Variants in UMPS observed in about 807,000 individuals in gnomAD.
The protein encoded by UMPS is uridine monophosphate synthetase.
Under a neutral mutation model 38.9 loss-of-function variants are expected in UMPS, and 21 were observed. The observed-to-expected ratio is 0.54, with a 90% CI of 0.38 to 0.78. The LOEUF is 0.78. UMPS is among the 30% of genes least tolerant of loss of function. The pLI, the probability that UMPS is intolerant of heterozygous loss-of-function variation, is 0.00. For synonymous variants in UMPS, 208 were observed against 219.3 expected (o/e 0.95, Z 0.45); for missense variants, 533 against 591.6 (o/e 0.90, Z 1.03).
intron 5 of UMPS, 25 bp from the exon 6 acceptor site, chr3:124,743,890 A>ACAAC (rs17843846): frequency 0.012 from 18,850 of 1,613,704 alleles, 184 homozygotes; most frequent in Admixed American, 0.038. Flanking sequence ...ATTATGTGAA[A>ACAAC]CAACAATTTT....
At position 124,747,447 on chromosome 3, in the gene UMPS, G is replaced by T. The variant is rs1335753957; in HGVS notation, c.*3363G>T. ...GTCACTCAGTACCAGTTCCGAGCCT[G>T]AACCCAAACTCTCGTGTTTCTGCTC... On this transcript the variant is annotated 3_prime_UTR_variant, in exon 6 of 6. Coordinates refer to ENST00000232607, the MANE Select transcript of UMPS (RefSeq NM_000373.4). 1 of 454,140 alleles carries T rather than the reference G, an allele frequency of 2.2e-6. No homozygotes were observed. The highest frequency in any genetic ancestry group is 1.5e-5 in the South Asian group (1 of 64,546). The allele number at this position is 454,140 out of a possible 1,614,324, so 28.1% of individuals were successfully genotyped here.
intron 2 of UMPS, 89 bp downstream of exon 2, chr3:124,735,335 A>G (rs113821133): frequency 8.1e-7 from 1 of 1,231,776 alleles, no homozygotes; most frequent in Non-Finnish European, 1.2e-6. Flanking sequence ...CTAATGTTTT[A>G]CCAGTCATCT....
chr3:124,743,655 AAAATAAATAAAT>A (rs577181855), intron 5 of UMPS, among the ~76,000 whole-genome samples: 2 of 151,508 alleles, frequency 1.3e-5, no homozygotes, highest in African/African-American at 4.8e-5. Context: ...TAAATAAATA[AAAATAAATAAAT>A]AAATAAATAA....
At chr3:124,731,368 G>T in intron 1 of UMPS, 1 of 248,156 alleles carries the variant, frequency 4.0e-6, no homozygotes, top group Non-Finnish European at 8.3e-6. Context: ...ATGCAGCCCC[G>T]GGACAATTAT....
At chr3:124,731,968 A>AT (rs35554685) in intron 1 of UMPS, among the ~76,000 whole-genome samples, 98 of 148,820 alleles carry the variant, frequency 6.6e-4, no homozygotes, top group Middle Eastern at 7.0e-3. Flanking sequence ...CAAATTAAAA[A>AT]TTTTTTTTTT....
intron 5 of UMPS, 84 bp from the exon 6 acceptor site, chr3:124,743,831 G>A: frequency 1.3e-6 from 2 of 1,557,120 alleles, no homozygotes; most frequent in Non-Finnish European, 1.8e-6. Flanking sequence ...TTTAAAGCTG[G>A]TTAGATACTT....
chr3:124,743,274 C>T (rs1033530499), intron 5 of UMPS, among the ~76,000 whole-genome samples: 1 of 151,774 alleles, frequency 6.6e-6, no homozygotes, highest in Non-Finnish European at 1.5e-5. Context: ...GCGGGGGTTG[C>T]AGCGAGCTGA....
chr3:124,743,258 C>T (rs113272616), intron 5 of UMPS, among the ~76,000 whole-genome samples: 2,822 of 149,470 alleles, frequency 0.019, 39 homozygotes, highest in African/African-American at 0.026. Context: ...CGCTTGAATC[C>T]GGGAGGCGGG....
intron 4 of UMPS, 117 bp from the exon 5 acceptor site, chr3:124,742,035 G>A: frequency 1.1e-6 from 1 of 876,338 alleles, no homozygotes; most frequent in East Asian, 2.4e-5. Context: ...GGGAACATAG[G>A]GAGACCTCAT....
At position 124,749,171 on chromosome 3, in the gene UMPS, A is replaced by G. The variant is rs1454428627; in HGVS notation, c.*5087A>G. 9 of 453,968 alleles carry G rather than the reference A, an allele frequency of 2.0e-5. No homozygotes were observed. Among genetic ancestry groups the G allele is most frequent in the Admixed American group, 1.6e-4 (7 of 42,554 alleles). The allele number at this position is 453,968 out of a possible 1,614,324, so 28.1% of individuals were successfully genotyped here. On this transcript the variant is annotated 3_prime_UTR_variant, in exon 6 of 6. Coordinates refer to ENST00000232607, the MANE Select transcript of UMPS (RefSeq NM_000373.4). ...CCTAGCAATGTTGTTTTCTGCCACA[A>G]CTTGAATAGATACTTGAAGCAGAGA... is the stretch of plus-strand genomic sequence containing the variant.
intron 2 of UMPS, among the ~76,000 whole-genome samples, chr3:124,736,269 T>C (rs1040920963): frequency 7.9e-5 from 12 of 151,984 alleles, no homozygotes; most frequent in Non-Finnish European, 7.4e-5. Flanking sequence ...AAAAAATAAA[T>C]AAATAAAACC....
rs1337668149 is a variant in UMPS, at chr3:124,745,887, A to G, written c.*1803A>G. The G allele has an allele frequency of 1.3e-5, 6 of 454,064 alleles. No individual in the cohort carries two copies. The highest frequency in any genetic ancestry group is 2.2e-5 in the Non-Finnish European group (5 of 226,772). The allele number at this position is 454,064 out of a possible 1,614,324, so 28.1% of individuals were successfully genotyped here. On this transcript the variant is annotated 3_prime_UTR_variant, in exon 6 of 6. Transcript: ENST00000232607. ...GTGTCAGTGGTTCTCCCACTTTAGC[A>G]GGTATCAGAGTCACCTGGAGTCTTG...
At chr3:124,740,229 G>A (rs2063547519) in intron 4 of UMPS, 30 bp downstream of exon 4, 4 of 1,582,940 alleles carry the variant, frequency 2.5e-6, no homozygotes, top group Non-Finnish European at 3.4e-6. Flanking sequence ...GGTGAGAGGG[G>A]GCAGGGGCTG....
At chr3:124,734,747 G>A (rs561092331) in intron 1 of UMPS, among the ~76,000 whole-genome samples, 3 of 152,218 alleles carry the variant, frequency 2.0e-5, no homozygotes, top group African/African-American at 7.2e-5. Flanking sequence ...TAGGCTGGGC[G>A]CAGTGGCTCA....
rs2063601082 is a variant in UMPS, at chr3:124,746,682, T to C, written c.*2598T>C. On this transcript the variant is annotated 3_prime_UTR_variant, in exon 6 of 6. Transcript: ENST00000232607. Reference sequence around the variant, plus strand: ...GGGGTGCACAGAATGTCTGTGAGACTGATGGAGTGGAGAACGCCATCCCCC... The same window carrying C: ...GGGGTGCACAGAATGTCTGTGAGACCGATGGAGTGGAGAACGCCATCCCCC... The C allele has an allele frequency of 2.2e-6, 1 of 453,290 alleles. No homozygotes were observed. The highest frequency in any genetic ancestry group is 4.4e-6 in the Non-Finnish European group (1 of 226,370). 28.1% of individuals were successfully genotyped at this position (453,290 alleles called of 1,614,324 possible).
In UMPS at chr3:124,747,716, G is replaced by A. The variant is rs1390882929; in HGVS notation, c.*3632G>A. On this transcript the variant is annotated 3_prime_UTR_variant, in exon 6 of 6. Transcript: ENST00000232607. Reference sequence around the variant, plus strand: ...TACATTTAACTTGCTGCAGCTCTCTGGATCCAGCCTGGTTACCAGGAAGAC... The same window carrying A: ...TACATTTAACTTGCTGCAGCTCTCTAGATCCAGCCTGGTTACCAGGAAGAC... The A allele has an allele frequency of 2.2e-6, 1 of 453,672 alleles. No individual in the cohort carries two copies. The highest frequency in any genetic ancestry group is 4.4e-6 in the Non-Finnish European group (1 of 226,420). 28.1% of individuals were successfully genotyped at this position (453,672 alleles called of 1,614,324 possible).
At position 124,749,143 on chromosome 3, in the gene UMPS, G is replaced by A; in HGVS notation, c.*5059G>A. ...AAGACATGCTGTCCTTGTTTACCTG[G>A]AACCTAGCAATGTTGTTTTCTGCCA... On this transcript the variant is annotated 3_prime_UTR_variant, in exon 6 of 6. Transcript: ENST00000232607. 2.2e-6 allele frequency: 1 copy of A among 454,052 alleles called. No homozygotes were observed. Among genetic ancestry groups the A allele is most frequent in the Non-Finnish European group, 4.4e-6 (1 of 226,778 alleles). The allele number at this position is 454,052 out of a possible 1,614,324, so 28.1% of individuals were successfully genotyped here.
Position 124,749,048 on chromosome 3 carries a change from A to G in UMPS, c.*4964A>G, listed in dbSNP as rs1178832343. 8.8e-6 allele frequency: 4 copies of G among 454,034 alleles called. No individual in the cohort carries two copies. The highest frequency in any genetic ancestry group is 6.9e-4 in the Middle Eastern group (1 of 1,444). The allele number at this position is 454,034 out of a possible 1,614,324, so 28.1% of individuals were successfully genotyped here. ...CCTGCCTCCAATGTCCCAACACTGC[A>G]TTGTCTCCCTGCACTTAGCAGCCCT... On this transcript the variant is annotated 3_prime_UTR_variant, in exon 6 of 6. Coordinates refer to ENST00000232607, the MANE Select transcript of UMPS (RefSeq NM_000373.4).
rs2063509420 is a variant in UMPS at position 124,735,236 on chromosome 3, A to G, written c.300A>G (p.Thr100=). ...CAATGCTTATTAGAAGGAAAGAAAC[A>G]AAGGATTATGGTAAAATAAAAGTAA... ...QIPMLIRRKE[T]KDYGTKRLVE... is the part of the protein sequence containing the mutation. Residue 100 remains threonine, a synonymous_variant, in exon 2 of 6, where the codon ACA becomes ACG. Coordinates refer to ENST00000232607, the MANE Select transcript of UMPS (RefSeq NM_000373.4). 6.2e-7 allele frequency: 1 copy of G among 1,612,880 alleles called. No homozygotes were observed. The highest frequency in any genetic ancestry group is 8.5e-7 in the Non-Finnish European group (1 of 1,179,046).
Sources: allele counts gnomAD v4.1 joint callset (sites outside exome capture counted in the v4.1 genomes callset), GRCh38; gene constraint gnomAD v4.1.1; transcripts MANE v1.5; gene names NCBI Gene and HGNC (gene_info 2026-07-23, HGNC 2026-07-21).